Variants in MAF observed in about 807,000 individuals in gnomAD.
The protein encoded by MAF is MAF bZIP transcription factor.
A neutral mutation model predicts 22.0 loss-of-function variants in MAF; 10 were observed. The observed-to-expected ratio is 0.45, with a 90% CI of 0.28 to 0.77. The LOEUF (loss-of-function observed/expected upper bound fraction) is 0.77. Ranked by LOEUF, MAF falls within the 30% of genes least tolerant of loss-of-function variation. MAF has a pLI of 0.12. For missense variants in MAF, 544 were observed against 548.4 expected, an observed-to-expected ratio of 0.99 and a Z score of 0.08; for synonymous variants, 337 against 255.8, an observed-to-expected ratio of 1.32 and a Z score of -3.03.
the MAF span, among the ~76,000 whole-genome samples, chr16:79,222,991 C>G: frequency 1.3e-5 from 2 of 152,110 alleles, no homozygotes; most frequent in East Asian, 3.8e-4. Context: ...ATATCCAGGA[C>G]TTGAACTCAG....
At chr16:79,369,896 A>T in the MAF span, among the ~76,000 whole-genome samples, 7 of 152,184 alleles carry the variant, frequency 4.6e-5, no homozygotes, top group African/African-American at 1.7e-4. Context: ...CTGAAATTAA[A>T]CCAAACACCA....
At chr16:79,464,422 G>C in the MAF span, among the ~76,000 whole-genome samples, 1 of 152,142 alleles carries the variant, frequency 6.6e-6, no homozygotes, top group Non-Finnish European at 1.5e-5. Flanking sequence ...ATGATGGGCT[G>C]TCCAAAGATT....
At chr16:79,548,477 A>G in the MAF span, among the ~76,000 whole-genome samples, 100,787 of 152,094 alleles carry the variant, frequency 0.66, 33,711 homozygotes, top group South Asian at 0.77. Context: ...CACATTGGTT[A>G]GTTGGTCTTC....
the MAF span, among the ~76,000 whole-genome samples, chr16:79,572,370 T>C: frequency 6.6e-6 from 1 of 152,174 alleles, no homozygotes; most frequent in African/African-American, 2.4e-5. Flanking sequence ...CCTCCCTTTC[T>C]TCCCCCAACA....
chr16:79,225,026 T>C, the MAF span, among the ~76,000 whole-genome samples: 1 of 152,150 alleles, frequency 6.6e-6, no homozygotes, highest in Non-Finnish European at 1.5e-5. Context: ...AAATTTCATA[T>C]GGAACCAAAA....
the MAF span, among the ~76,000 whole-genome samples, chr16:79,563,411 T>A: frequency 6.6e-6 from 1 of 152,128 alleles, no homozygotes; most frequent in Non-Finnish European, 1.5e-5. Context: ...GTTAAGTACA[T>A]CTTTATTGTT....
the MAF span, among the ~76,000 whole-genome samples, chr16:79,256,854 A>ACACG: frequency 6.6e-6 from 1 of 152,126 alleles, no homozygotes; most frequent in African/African-American, 2.4e-5. Flanking sequence ...TCATAGAACT[A>ACACG]CACGCACACA....
At chr16:79,365,942 C>A in the MAF span, among the ~76,000 whole-genome samples, 1 of 152,228 alleles carries the variant, frequency 6.6e-6, no homozygotes, top group Admixed American at 6.5e-5. Context: ...TTTATGACTC[C>A]TTCGCCAATT....
chr16:79,213,873 G>T, the MAF span, among the ~76,000 whole-genome samples: 4 of 152,166 alleles, frequency 2.6e-5, no homozygotes, highest in African/African-American at 9.7e-5. Context: ...CAGCTTCTCA[G>T]CTCACTAAGG....
At chr16:79,381,486 T>A in the MAF span, among the ~76,000 whole-genome samples, 15 of 152,182 alleles carry the variant, frequency 9.9e-5, no homozygotes, top group Admixed American at 2.6e-4. Flanking sequence ...CTAATGACGG[T>A]GCCTAAAAGA....
chr16:79,590,226 G>C (rs911631919), downstream of MAF, among the ~76,000 whole-genome samples: 1 of 152,056 alleles, frequency 6.6e-6, no homozygotes. Flanking sequence ...ATGATGGGGG[G>C]GCATGGAGGG....
chr16:79,389,915 G>A, the MAF span, among the ~76,000 whole-genome samples: 1 of 128,194 alleles, frequency 7.8e-6, no homozygotes, highest in Non-Finnish European at 1.6e-5. Context: ...GGCGGAGGTT[G>A]CAGTGAGCTG....
chr16:79,576,590 G>C, the MAF span, among the ~76,000 whole-genome samples: 1 of 151,530 alleles, frequency 6.6e-6, no homozygotes, highest in Non-Finnish European at 1.5e-5. Flanking sequence ...AACTAACGTT[G>C]TATGTTTTTC....
downstream of MAF, chr16:79,593,710 T>TA (rs141021714): frequency 0.042 from 6,962 of 166,254 alleles, 502 homozygotes; most frequent in African/African-American, 0.16. Flanking sequence ...AGATACATTG[T>TA]AAAAAATTAT....
chr16:79,276,148 A>G, the MAF span, among the ~76,000 whole-genome samples: 27 of 37,140 alleles, frequency 7.3e-4, 1 homozygote, highest in Middle Eastern at 0.029. Context: ...TCAAAGAAAA[A>G]AAAAGAAAGA....
intron 1 of MAF, chr16:79,595,901 G>C: frequency 5.7e-6 from 6 of 1,057,712 alleles, no homozygotes; most frequent in Non-Finnish European, 5.7e-6. Context: ...TCCTATTTAA[G>C]ACAAATGATC....
At chr16:79,564,196 C>G in the MAF span, among the ~76,000 whole-genome samples, 1 of 152,208 alleles carries the variant, frequency 6.6e-6, no homozygotes, top group African/African-American at 2.4e-5. Context: ...CGTTCCTCCT[C>G]TTTACCTTAG....
chr16:79,405,499 T>TG, the MAF span, among the ~76,000 whole-genome samples: 63 of 152,320 alleles, frequency 4.1e-4, no homozygotes, highest in African/African-American at 1.5e-3. Flanking sequence ...TATGTAAACA[T>TG]GGGGCATAGA....
the MAF span, among the ~76,000 whole-genome samples, chr16:79,545,372 A>C: frequency 6.6e-6 from 1 of 152,138 alleles, no homozygotes; most frequent in Non-Finnish European, 1.5e-5. Context: ...ACGACAATGC[A>C]AGGTTCCTTG....
Sources: allele counts gnomAD v4.1 joint callset (sites outside exome capture counted in the v4.1 genomes callset), GRCh38; gene constraint gnomAD v4.1.1; transcripts MANE v1.5; gene names NCBI Gene and HGNC (gene_info 2026-07-23, HGNC 2026-07-21).